ROR1: variants seen among roughly 807,000 people sequenced by gnomAD.
The protein encoded by ROR1 is ROR family WNT receptor 1, also known as inactive tyrosine-protein kinase transmembrane receptor ROR1.
Under a neutral mutation model 78.8 loss-of-function variants are expected in ROR1, and 19 were observed. That is an observed-to-expected ratio of 0.24 (90% CI 0.17 to 0.35). The LOEUF (loss-of-function observed/expected upper bound fraction) is 0.35. Ranked by LOEUF, ROR1 falls within the 10% of genes least tolerant of loss-of-function variation. ROR1 has a pLI of 1.00. For synonymous variants in ROR1, 386 were observed against 433.6 expected (o/e 0.89, Z 1.36); for missense variants, 917 against 1,177.8 (o/e 0.78, Z 3.24).
intron 1 of ROR1, among the ~76,000 whole-genome samples, chr1:63,871,726 C>G (rs1422271467): frequency 6.6e-6 from 1 of 152,198 alleles, no homozygotes; most frequent in Non-Finnish European, 1.5e-5. Context: ...GCAACAAGGT[C>G]TCTGTAGACT....
At chr1:63,843,338 A>G (rs1406532614) in intron 1 of ROR1, 3 of 1,049,074 alleles carry the variant, frequency 2.9e-6, no homozygotes, top group East Asian at 2.5e-5. Context: ...TGGAGCTGGC[A>G]TAGATCATTT....
intron 4 of ROR1, among the ~76,000 whole-genome samples, chr1:64,069,590 G>A (rs1454010722): frequency 6.6e-6 from 1 of 152,066 alleles, no homozygotes; most frequent in Non-Finnish European, 1.5e-5. Flanking sequence ...AAGAGAAAGG[G>A]TAAATTGCAA....
intron 7 of ROR1, chr1:64,143,512 G>A (rs979177852): frequency 5.9e-6 from 4 of 681,480 alleles, no homozygotes; most frequent in Non-Finnish European, 7.2e-6. Context: ...TGTCACTGCT[G>A]GAAAAGCAAA....
At chr1:63,970,050 CT>C (rs1316793602) in intron 1 of ROR1, among the ~76,000 whole-genome samples, 1 of 152,182 alleles carries the variant, frequency 6.6e-6, no homozygotes, top group Non-Finnish European at 1.5e-5. Flanking sequence ...GCTGTTACCT[CT>C]GTTTAGAATG....
At chr1:63,842,345 A>T (rs1456406841) in intron 1 of ROR1, among the ~76,000 whole-genome samples, 4 of 152,232 alleles carry the variant, frequency 2.6e-5, no homozygotes, top group Non-Finnish European at 5.9e-5. Context: ...TAGCCAGAGT[A>T]TCAACATATT....
At chr1:63,966,180 T>G (rs1203460562) in intron 1 of ROR1, among the ~76,000 whole-genome samples, 1 of 152,182 alleles carries the variant, frequency 6.6e-6, no homozygotes, top group Non-Finnish European at 1.5e-5. Context: ...CCCTCGGAAG[T>G]TGTCAAACAA....
At chr1:63,892,089 T>G (rs1426797518) in intron 1 of ROR1, among the ~76,000 whole-genome samples, 1 of 152,206 alleles carries the variant, frequency 6.6e-6, no homozygotes, top group Non-Finnish European at 1.5e-5. Flanking sequence ...TCTACTTTAA[T>G]TCAATAAGCA....
rs374792906 is a variant in ROR1 at position 63,839,408 on chromosome 1, G to A, written c.91+64900G>A. Among the ~76,000 whole-genome samples the A allele has an allele frequency of 6.0e-5, 9 of 149,334 alleles. 1 individual carries two copies. Among genetic ancestry groups the A allele is most frequent in the African/African-American group, 2.2e-4 (9 of 40,568 alleles). ...TCTATCTATCTATCTATCTAATTTG[G>A]CATCTATTTATCCATTAATCTGTCT... On this transcript the variant is annotated intron_variant, in intron 1 of 8. Coordinates refer to ENST00000371079, the MANE Select transcript of ROR1 (RefSeq NM_005012.4).
chr1:64,173,858 C>T (rs1378493255), intron 8 of ROR1, among the ~76,000 whole-genome samples: 1 of 152,196 alleles, frequency 6.6e-6, no homozygotes, highest in Non-Finnish European at 1.5e-5. Context: ...ACCATCCACT[C>T]TTCCACACGA....
intron 1 of ROR1, among the ~76,000 whole-genome samples, chr1:63,940,360 TCTGGGA>T (rs1645826593): frequency 6.6e-6 from 1 of 152,046 alleles, no homozygotes; most frequent in African/African-American, 2.4e-5. Flanking sequence ...GCTGGCCAAA[TCTGGGA>T]CACTTTGAGT....
intron 1 of ROR1, among the ~76,000 whole-genome samples, chr1:63,986,793 A>G (rs1250485027): frequency 6.6e-6 from 1 of 151,734 alleles, no homozygotes; most frequent in African/African-American, 2.4e-5. Context: ...ATTACTCTGA[A>G]GGCTAAGGCA....
chr1:63,789,089 CT>C, intron 1 of ROR1: 1 of 616,462 alleles, frequency 1.6e-6, no homozygotes. Flanking sequence ...TGTGCCTGCC[CT>C]TCCGGTAGGC....
chr1:63,817,233 A>G (rs543181127), intron 1 of ROR1, among the ~76,000 whole-genome samples: 2 of 152,258 alleles, frequency 1.3e-5, no homozygotes, highest in African/African-American at 4.8e-5. Context: ...AGGTTTCAGC[A>G]GTTAATATTT....
chr1:64,021,156 T>G (rs181171590), intron 2 of ROR1, among the ~76,000 whole-genome samples: 6 of 152,248 alleles, frequency 3.9e-5, no homozygotes, highest in Non-Finnish European at 8.8e-5. Flanking sequence ...TCATTATCTG[T>G]GGGCCCAAAG....
In ROR1 at chr1:64,067,228, T is replaced by C. The variant is rs186372017; in HGVS notation, c.482+16512T>C. ...AGCCTGGCATGGTGGCACATGCCCG[T>C]AGTCCCAGCTATTTGGGAGGCTGAT... On this transcript the variant is annotated intron_variant, in intron 4 of 8. Coordinates refer to ENST00000371079, the MANE Select transcript of ROR1 (RefSeq NM_005012.4). Among the ~76,000 whole-genome samples, 336 of 151,970 alleles carry C rather than the reference T, an allele frequency of 2.2e-3. 1 individual carries two copies. Among genetic ancestry groups the C allele is most frequent in the African/African-American group, 7.6e-3 (316 of 41,430 alleles).
At chr1:63,869,882 A>G (rs1049565258) in intron 1 of ROR1, among the ~76,000 whole-genome samples, 2 of 152,230 alleles carry the variant, frequency 1.3e-5, no homozygotes, top group African/African-American at 2.4e-5. Flanking sequence ...GTAACCTCAC[A>G]TAAGTATCCT....
At chr1:63,819,995 G>A (rs562314125) in intron 1 of ROR1, among the ~76,000 whole-genome samples, 1 of 152,264 alleles carries the variant, frequency 6.6e-6, no homozygotes, top group South Asian at 2.1e-4. Flanking sequence ...TATCACCATG[G>A]AACACTATGC....
chr1:64,076,952 A>T (rs1038286973), intron 4 of ROR1, among the ~76,000 whole-genome samples: 2 of 152,202 alleles, frequency 1.3e-5, no homozygotes, highest in Non-Finnish European at 1.5e-5. Flanking sequence ...TGGAAAACTG[A>T]TTAACTAATA....
chr1:64,031,136 G>A (rs1244681229), intron 2 of ROR1, among the ~76,000 whole-genome samples: 1 of 152,140 alleles, frequency 6.6e-6, no homozygotes, highest in African/African-American at 2.4e-5. Flanking sequence ...CCAAAATGCT[G>A]GGATTATAGG....
Sources: allele counts gnomAD v4.1 joint callset (sites outside exome capture counted in the v4.1 genomes callset), GRCh38; gene constraint gnomAD v4.1.1; transcripts MANE v1.5; gene names NCBI Gene and HGNC (gene_info 2026-07-23, HGNC 2026-07-21).